Variants in THRAP3 observed in about 807,000 individuals in gnomAD.
THRAP3 encodes thyroid hormone receptor associated protein 3, also known as thyroid hormone receptor-associated protein 3.
In THRAP3, 16 loss-of-function variants were observed where a neutral mutation model predicts 101.0. The ratio of observed to expected loss-of-function variants is 0.16; its 90% CI spans 0.11 to 0.24. The LOEUF is 0.24. Among genes scored for constraint, THRAP3 ranks in the 10% least tolerant of loss-of-function variants. The pLI is 1.00. For missense variants in THRAP3, 989 were observed against 1,202.7 expected, an observed-to-expected ratio of 0.82 and a Z score of 2.63; for synonymous variants, 407 against 422.6, an observed-to-expected ratio of 0.96 and a Z score of 0.45.
At chr1:36,245,697 T>C (rs1645222171) in intron 1 of THRAP3, among the ~76,000 whole-genome samples, 1 of 152,206 alleles carries the variant, frequency 6.6e-6, no homozygotes. Context: ...TTCTTTTTAC[T>C]TGGCATTTGA....
chr1:36,279,625 G>A (rs955033099), intron 2 of THRAP3, among the ~76,000 whole-genome samples: 1 of 152,114 alleles, frequency 6.6e-6, no homozygotes, highest in Non-Finnish European at 1.5e-5. Flanking sequence ...GATTAAAACC[G>A]TGGGTTCTTG....
At chr1:36,301,382 T>C (rs1199820791) in intron 10 of THRAP3, among the ~76,000 whole-genome samples, 171 bp from the exon 11 acceptor site, 2 of 152,216 alleles carry the variant, frequency 1.3e-5, no homozygotes, top group South Asian at 4.1e-4. Flanking sequence ...CTGTGTAGGC[T>C]GCAGACTTGA....
intron 6 of THRAP3, 48 bp downstream of exon 6, chr1:36,291,594 A>C (rs1645868984): frequency 6.3e-7 from 1 of 1,591,318 alleles, no homozygotes; most frequent in Admixed American, 1.7e-5. Flanking sequence ...CACACTTAGA[A>C]GAAGGATGAA....
At chr1:36,237,640 G>A (rs1437186669) in intron 1 of THRAP3, among the ~76,000 whole-genome samples, 1 of 151,718 alleles carries the variant, frequency 6.6e-6, no homozygotes, top group African/African-American at 2.4e-5. Flanking sequence ...GCATTGTGGC[G>A]GGCGCCTGTA....
intron 1 of THRAP3, among the ~76,000 whole-genome samples, chr1:36,227,796 A>G (rs1644978789): frequency 6.6e-6 from 1 of 152,202 alleles, no homozygotes; most frequent in South Asian, 2.1e-4. Context: ...GCAGTGAGCC[A>G]TGATCATGAC....
intron 1 of THRAP3, among the ~76,000 whole-genome samples, chr1:36,238,100 T>G (rs1022583096): frequency 1.3e-5 from 2 of 152,156 alleles, no homozygotes; most frequent in African/African-American, 4.8e-5. Context: ...CCCAAAGTGC[T>G]GGGATTACAG....
At chr1:36,267,593 A>G (rs1241048985) in intron 2 of THRAP3, among the ~76,000 whole-genome samples, 3 of 152,316 alleles carry the variant, frequency 2.0e-5, no homozygotes, top group East Asian at 1.9e-4. Context: ...TTCCAGGGGT[A>G]TTGATACTTT....
chr1:36,237,528 T>C (rs1039364611), intron 1 of THRAP3, among the ~76,000 whole-genome samples: 3 of 150,956 alleles, frequency 2.0e-5, no homozygotes, highest in African/African-American at 7.3e-5. Context: ...CCCAGCACTT[T>C]GGGAGGCCAA....
the THRAP3 span, among the ~76,000 whole-genome samples, chr1:36,212,419 T>TTC: frequency 1.0e-5 from 1 of 97,282 alleles, no homozygotes; most frequent in Non-Finnish European, 2.0e-5. Flanking sequence ...TCTTTCTTTC[T>TTC]TTTTTTTTTT....
intron 1 of THRAP3, among the ~76,000 whole-genome samples, chr1:36,243,418 T>A (rs905423205): frequency 6.6e-6 from 1 of 151,878 alleles, no homozygotes; most frequent in Non-Finnish European, 1.5e-5. Context: ...CATGCTGCCT[T>A]CAAGCATCTG....
At chr1:36,291,163 C>T (rs1212162519) in intron 5 of THRAP3, among the ~76,000 whole-genome samples, 3 of 152,190 alleles carry the variant, frequency 2.0e-5, no homozygotes, top group East Asian at 3.8e-4. Flanking sequence ...TAACACTTCA[C>T]TCCACTTGAA....
the THRAP3 span, among the ~76,000 whole-genome samples, chr1:36,207,904 T>C: frequency 5.3e-4 from 81 of 152,242 alleles, no homozygotes; most frequent in African/African-American, 1.8e-3. Flanking sequence ...GCGATTCTCC[T>C]GCCTCAGCCT....
chr1:36,216,197 A>G, the THRAP3 span, among the ~76,000 whole-genome samples: 1 of 151,928 alleles, frequency 6.6e-6, no homozygotes, highest in African/African-American at 2.4e-5. Flanking sequence ...TGGGCAATAC[A>G]GTGAGACCGT....
At position 36,289,669 on chromosome 1, in the gene THRAP3, G is replaced by A. The variant is rs773406007; in HGVS notation, c.1650G>A (p.Ala550=). The part of the protein sequence containing the change: ...KTSESRDKLG[A]KGDFPTGKSS... ...CTGAGAGCCGAGACAAGCTGGGAGCGAAAGGAGATTTTCCCACAGGAAAGT... is the reference window on the plus strand; with the variant it reads ...CTGAGAGCCGAGACAAGCTGGGAGCAAAAGGAGATTTTCCCACAGGAAAGT... Residue 550 remains alanine, a synonymous_variant, in exon 5 of 12, where the codon GCG becomes GCA. Coordinates refer to ENST00000354618, the MANE Select transcript of THRAP3 (RefSeq NM_005119.4). The A allele has an allele frequency of 1.7e-5, 27 of 1,614,050 alleles. No homozygotes were observed. The highest frequency in any genetic ancestry group is 1.9e-5 in the Non-Finnish European group (22 of 1,180,024).
At chr1:36,273,663 C>G (rs899409258) in intron 2 of THRAP3, among the ~76,000 whole-genome samples, 4 of 152,126 alleles carry the variant, frequency 2.6e-5, no homozygotes, top group African/African-American at 9.7e-5. Flanking sequence ...ATGGTGTAAT[C>G]TTAAATAGAA....
rs3007207 is a variant in THRAP3 at position 36,289,882 on chromosome 1, T to C, written c.1745+118T>C. ...CTTCTGTCTTAAGCTTCAGTGGTGA[T>C]ACTTTCATGTCCACCTGTGTTCACT... is the stretch of plus-strand genomic sequence containing the variant. On this transcript the variant is annotated intron_variant, in intron 5 of 11. Transcript: ENST00000354618. The C allele has an allele frequency of 6.7e-3, 9,045 of 1,349,958 alleles. 524 individuals are homozygous for C. In the African/African-American group the frequency reaches 0.12, roughly 18 times the overall value. 83.6% of individuals were successfully genotyped at this position (1,349,958 alleles called of 1,614,324 possible).
At chr1:36,284,275 A>G (rs983052657) in intron 3 of THRAP3, among the ~76,000 whole-genome samples, 5 of 152,214 alleles carry the variant, frequency 3.3e-5, no homozygotes, top group African/African-American at 1.2e-4. Flanking sequence ...AAATGAGGAA[A>G]AAATATTTTA....
intron 1 of THRAP3, among the ~76,000 whole-genome samples, chr1:36,237,575 A>C (rs1256548876): frequency 6.6e-6 from 1 of 151,940 alleles, no homozygotes; most frequent in Non-Finnish European, 1.5e-5. Context: ...GTTCAAGATC[A>C]GCCTGGCCAA....
the THRAP3 span, among the ~76,000 whole-genome samples, chr1:36,210,726 T>TATATATCATATATATATC: frequency 5.4e-4 from 1 of 1,848 alleles, no homozygotes; most frequent in African/African-American, 1.1e-3. Flanking sequence ...TATATATATA[T>TATATATCATATATATATC]ATATATATAT....
Sources: gnomAD v4.1 joint callset for allele counts (sites outside exome capture counted in the v4.1 genomes callset) on GRCh38, gnomAD v4.1.1 for gene constraint, MANE v1.5 for transcripts, NCBI Gene and HGNC (gene_info 2026-07-23, HGNC 2026-07-21) for gene names.